ADAM32: variants seen among roughly 807,000 people sequenced by gnomAD.
The protein encoded by ADAM32 is ADAM metallopeptidase domain 32.
ADAM32 carries 89 observed loss-of-function variants against 114.9 expected under a neutral mutation model. The ratio of observed to expected loss-of-function variants is 0.77; its 90% CI spans 0.65 to 0.92. The LOEUF (loss-of-function observed/expected upper bound fraction) is 0.92, where lower values mean the gene tolerates loss of function less well. ADAM32 is among the 40% of genes least tolerant of loss of function. The pLI is 0.00. For synonymous variants in ADAM32, 285 were observed against 307.5 expected, an observed-to-expected ratio of 0.93 and a Z score of 0.77; for missense variants, 870 against 932.8, an observed-to-expected ratio of 0.93 and a Z score of 0.88.
chr8:39,113,894 T>C (rs1190198271), intron 1 of ADAM32, among the ~76,000 whole-genome samples: 1 of 152,206 alleles, frequency 6.6e-6, no homozygotes, highest in African/African-American at 2.4e-5. Context: ...TTTGTCACCA[T>C]TGCTGATTGG....
At chr8:39,165,824 A>G (rs1438728848) in intron 9 of ADAM32, 1 of 152,152 alleles carries the variant, frequency 6.6e-6, no homozygotes, top group Non-Finnish European at 1.5e-5. Flanking sequence ...TCTGCCAGCC[A>G]TAAATGTTAC....
chr8:39,109,809 G>A (rs1840080758), intron 1 of ADAM32, among the ~76,000 whole-genome samples: 1 of 152,114 alleles, frequency 6.6e-6, no homozygotes, highest in African/African-American at 2.4e-5. Context: ...TTTGACAAAT[G>A]TACAATGACA....
chr8:39,186,167 G>T (rs902910943), intron 10 of ADAM32, among the ~76,000 whole-genome samples: 2 of 152,058 alleles, frequency 1.3e-5, no homozygotes, highest in African/African-American at 4.8e-5. Context: ...GCATCCTTTA[G>T]GGCTGTTATA....
chr8:39,284,848 T>C lies in ADAM32; in HGVS notation c.*49T>C. 1 of 1,604,594 alleles carries C rather than the reference T, an allele frequency of 6.2e-7. No individual in the cohort carries two copies. Among genetic ancestry groups the C allele is most frequent in the Non-Finnish European group, 8.5e-7 (1 of 1,171,856 alleles). On this transcript the variant is annotated 3_prime_UTR_variant, in exon 25 of 25. Transcript: ENST00000379907. ...TAACATCGAGAGTCTCGCTAAGAAATGAAAATTCTGTCTTTCCTTCCGTGG... is the reference window on the plus strand; with the variant it reads ...TAACATCGAGAGTCTCGCTAAGAAACGAAAATTCTGTCTTTCCTTCCGTGG...
intron 6 of ADAM32, 80 bp downstream of exon 6, chr8:39,151,628 C>A (rs761969381): frequency 8.3e-5 from 87 of 1,045,010 alleles, no homozygotes; most frequent in Non-Finnish European, 1.1e-4. Flanking sequence ...AATTTATAAG[C>A]CCACTGTAGA....
At chr8:39,127,268 T>C (rs1463482883) in intron 2 of ADAM32, among the ~76,000 whole-genome samples, 1 of 152,162 alleles carries the variant, frequency 6.6e-6, no homozygotes, top group Non-Finnish European at 1.5e-5. Flanking sequence ...TTGTCTTCTT[T>C]TTACCTCTGG....
rs1208976072 is a variant in ADAM32 at position 39,221,613 on chromosome 8, T to C, written c.1237T>C (p.Cys413Arg). 2 of 1,609,788 alleles carry C rather than the reference T, an allele frequency of 1.2e-6. No homozygotes were observed. Among genetic ancestry groups the C allele is most frequent in the Non-Finnish European group, 1.7e-6 (2 of 1,177,096 alleles). ...TGTACATTTCACTAATTCATAGCAA[T>C]GTGGACCTGCAAGCTGTTGTGATTT... ...EICDCGTEAQ[C>R]GPASCCDFRT... The change falls in exon 13 of 25, where the codon TGT (cysteine) becomes CGT (arginine). Residue 413 changes from cysteine (C) to arginine (R), a missense_variant. Coordinates refer to ENST00000379907, the MANE Select transcript of ADAM32 (RefSeq NM_145004.7).
At chr8:39,233,665 G>T (rs1179355344) in intron 15 of ADAM32, among the ~76,000 whole-genome samples, 2 of 152,132 alleles carry the variant, frequency 1.3e-5, no homozygotes, top group Non-Finnish European at 2.9e-5. Context: ...CTCTATTCAA[G>T]ATAGAGTCAT....
intron 11 of ADAM32, among the ~76,000 whole-genome samples, chr8:39,189,200 C>G (rs1056180754): frequency 2.6e-5 from 4 of 152,124 alleles, no homozygotes; most frequent in African/African-American, 9.7e-5. Flanking sequence ...GATGAAAATA[C>G]TAAGACTTAG....
chr8:39,232,459 G>GTC (rs1169067646), intron 15 of ADAM32, among the ~76,000 whole-genome samples: 1 of 152,148 alleles, frequency 6.6e-6, no homozygotes, highest in Admixed American at 6.6e-5. Context: ...ACTGCTCAGT[G>GTC]TCTATAAAAT....
chr8:39,124,441 G>A (rs865799107), intron 2 of ADAM32, among the ~76,000 whole-genome samples: 19 of 148,222 alleles, frequency 1.3e-4, no homozygotes, highest in African/African-American at 3.0e-4. Context: ...TTTTTGAGAC[G>A]GAGTCTTGCT....
chr8:39,257,164 T>C, intron 18 of ADAM32, 23 bp from the exon 19 acceptor site: 2 of 1,519,108 alleles, frequency 1.3e-6, no homozygotes, highest in Non-Finnish European at 1.8e-6. Flanking sequence ...TTTGTTTTTT[T>C]TTTTTTGTAT....
At chr8:39,217,483 G>A (rs1808660493) in intron 12 of ADAM32, among the ~76,000 whole-genome samples, 1 of 151,600 alleles carries the variant, frequency 6.6e-6, no homozygotes, top group Admixed American at 6.6e-5. Context: ...CCTCTTTAAG[G>A]CCAATAACTC....
At chr8:39,201,863 T>G (rs186122028) in intron 11 of ADAM32, among the ~76,000 whole-genome samples, 4 of 152,338 alleles carry the variant, frequency 2.6e-5, no homozygotes, top group Admixed American at 2.0e-4. Flanking sequence ...ATCAAAGGCC[T>G]TTTCTGCATC....
intron 10 of ADAM32, among the ~76,000 whole-genome samples, chr8:39,186,664 A>G (rs1806263976): frequency 6.6e-6 from 1 of 152,196 alleles, no homozygotes; most frequent in Non-Finnish European, 1.5e-5. Flanking sequence ...ATTGATACTA[A>G]CTACCTAAGA....
chr8:39,111,651 G>A (rs1840161029), intron 1 of ADAM32, among the ~76,000 whole-genome samples: 1 of 150,820 alleles, frequency 6.6e-6, no homozygotes, highest in South Asian at 2.1e-4. Context: ...AACCTGCGAG[G>A]TGGAGGTTGC....
At chr8:39,177,674 T>C (rs1805611801) in intron 10 of ADAM32, among the ~76,000 whole-genome samples, 2 of 152,200 alleles carry the variant, frequency 1.3e-5, no homozygotes, top group South Asian at 4.1e-4. Flanking sequence ...TATTTAATGC[T>C]TCCTTCAGGA....
intron 16 of ADAM32, among the ~76,000 whole-genome samples, chr8:39,242,188 A>T (rs1810606341): frequency 6.6e-6 from 1 of 152,222 alleles, no homozygotes; most frequent in African/African-American, 2.4e-5. Flanking sequence ...TGTGTTGTTC[A>T]TATCGTTATC....
At position 39,211,209 on chromosome 8, in the gene ADAM32, A is replaced by G. The variant is rs1392695663; in HGVS notation, c.1118A>G (p.Asn373Ser). 18 of 1,607,356 alleles carry G rather than the reference A, an allele frequency of 1.1e-5. No homozygotes were observed. Among genetic ancestry groups the G allele is most frequent in the African/African-American group, 4.0e-5 (3 of 74,600 alleles). ...SLRSFQNFIS[N>S]VGVKCLQNKP... ...AGGAGCTTTCAAAATTTCATTTCAAATGTGGGTGTCAAATGTCTTCAGAAT... is the reference window on the plus strand; with the variant it reads ...AGGAGCTTTCAAAATTTCATTTCAAGTGTGGGTGTCAAATGTCTTCAGAAT... The change falls in exon 12 of 25, where the codon AAT (asparagine) becomes AGT (serine). Residue 373 changes from asparagine (N) to serine (S), a missense_variant. By Grantham distance (46) the Asn-to-Ser change is conservative (BLOSUM62 1). Coordinates refer to ENST00000379907, the MANE Select transcript of ADAM32 (RefSeq NM_145004.7).
Sources: gnomAD v4.1 joint callset for allele counts (sites outside exome capture counted in the v4.1 genomes callset) on GRCh38, gnomAD v4.1.1 for gene constraint, MANE v1.5 for transcripts, NCBI Gene and HGNC (gene_info 2026-07-23, HGNC 2026-07-21) for gene names.